MEGF11: variants seen among roughly 807,000 people sequenced by gnomAD.
MEGF11 encodes multiple epidermal growth factor-like domains protein 11.
A neutral mutation model predicts 146.6 loss-of-function variants in MEGF11; 126 were observed. That is an observed-to-expected ratio of 0.86 (90% CI 0.74 to 1.00). MEGF11 has a LOEUF of 1.00. Among genes scored for constraint, MEGF11 ranks in the 50% least tolerant of loss-of-function variants. The pLI is 0.00. For synonymous variants in MEGF11, 532 were observed against 583.4 expected (o/e 0.91, Z 1.27); for missense variants, 1,509 against 1,521.2 (o/e 0.99, Z 0.13).
At chr15:65,988,921 TCTCCCAGCTACCAAAGAACCCC>T (rs1290978221) in intron 5 of MEGF11, among the ~76,000 whole-genome samples, 1 of 152,154 alleles carries the variant, frequency 6.6e-6, no homozygotes, top group Non-Finnish European at 1.5e-5. Flanking sequence ...GGCCAGCCCT[TCTCCCAGCTACCAAAGAACCCC>T]CTCCCAGCTG....
intron 5 of MEGF11, among the ~76,000 whole-genome samples, chr15:66,056,316 C>CT (rs2084672805): frequency 6.6e-6 from 1 of 152,124 alleles, no homozygotes; most frequent in Admixed American, 6.5e-5. Flanking sequence ...AGGACTTAAC[C>CT]TTCTGAGCCT....
chr15:65,930,873 T>C lies in MEGF11; in HGVS notation c.1358A>G (p.Asn453Ser). The change falls in exon 11 of 26, where the codon AAC becomes AGC. Residue 453 changes from asparagine (N) to serine (S), a missense_variant. Asn to Ser is a conservative substitution (Grantham distance 46). Transcript: ENST00000395614. ...TACTGGGGAGCAGGTGCCACCATTG[T>C]TACAGCTACAGATGGACGAGCAGTT... ...GPNCSSICSC[N>S]NGGTCSPVDG... The C allele has an allele frequency of 6.2e-7, 1 of 1,611,576 alleles. No homozygotes were observed. The highest frequency in any genetic ancestry group is 8.5e-7 in the Non-Finnish European group (1 of 1,178,776).
intron 1 of MEGF11, among the ~76,000 whole-genome samples, chr15:66,199,738 A>G (rs574745309): frequency 6.6e-6 from 1 of 152,308 alleles, no homozygotes; most frequent in African/African-American, 2.4e-5. Flanking sequence ...GCAGTGAGCC[A>G]TGATTGCACC....
chr15:65,919,549 T>C (rs916077044), intron 15 of MEGF11, among the ~76,000 whole-genome samples: 2 of 133,716 alleles, frequency 1.5e-5, no homozygotes, highest in African/African-American at 2.5e-5. Flanking sequence ...AAAAAAAAAA[T>C]GCTGACACAG....
chr15:66,175,289 A>C (rs183031367), intron 1 of MEGF11, among the ~76,000 whole-genome samples: 147 of 152,336 alleles, frequency 9.6e-4, no homozygotes, highest in African/African-American at 3.4e-3. Flanking sequence ...TCAAAATACC[A>C]ATGACAGTCT....
At chr15:66,247,021 T>C (rs538939563) in intron 1 of MEGF11, among the ~76,000 whole-genome samples, 4 of 152,174 alleles carry the variant, frequency 2.6e-5, no homozygotes, top group Non-Finnish European at 5.9e-5. Flanking sequence ...ATTTTTATCT[T>C]GGCCAAATGG....
intron 1 of MEGF11, among the ~76,000 whole-genome samples, chr15:66,152,812 T>C (rs372757303): frequency 6.6e-6 from 1 of 152,204 alleles, no homozygotes; most frequent in African/African-American, 2.4e-5. Context: ...GCCTGCCCAA[T>C]TGGCAGTGGT....
intron 10 of MEGF11, among the ~76,000 whole-genome samples, chr15:65,943,666 G>A (rs1457216819): frequency 6.6e-6 from 1 of 152,178 alleles, no homozygotes; most frequent in Non-Finnish European, 1.5e-5. Flanking sequence ...CATGTAGTAT[G>A]TGAGTTTGGT....
chr15:66,009,337 T>C (rs937491906), intron 5 of MEGF11, among the ~76,000 whole-genome samples: 3 of 148,834 alleles, frequency 2.0e-5, no homozygotes, highest in Admixed American at 1.4e-4. Flanking sequence ...TTGGGAGTCA[T>C]GGGGGTGGGG....
chr15:65,935,322 G>GAAAAAAAAAAAAAA lies in MEGF11; in HGVS notation c.1288-4393_1288-4380dup, dbSNP rs71139449. Among the ~76,000 whole-genome samples the GAAAAAAAAAAAAAA allele has an allele frequency of 1.1e-4, 4 of 35,204 alleles. 1 individual carries two copies. Among genetic ancestry groups the GAAAAAAAAAAAAAA allele is most frequent in the Non-Finnish European group, 9.5e-5 (2 of 21,000 alleles). The allele number at this position is 35,204 out of a possible 152,430, so 23.1% of individuals were successfully genotyped here. ...GTGACAGAGCGAGACTCCGTCTCAA[G>GAAAAAAAAAAAAAA]AAAAAAAAAAAAAAAAAAAAAAAAA... is the stretch of plus-strand genomic sequence containing the variant. On this transcript the variant is annotated intron_variant, in intron 10 of 25. Transcript: ENST00000395614.
intron 24 of MEGF11, among the ~76,000 whole-genome samples, chr15:65,904,768 A>T (rs1028639929): frequency 6.6e-6 from 1 of 152,146 alleles, no homozygotes; most frequent in African/African-American, 2.4e-5. Context: ...CCCACTCTAG[A>T]TTTGCATCAG....
At chr15:65,993,595 G>A (rs749923063) in intron 5 of MEGF11, among the ~76,000 whole-genome samples, 4 of 152,178 alleles carry the variant, frequency 2.6e-5, no homozygotes, top group African/African-American at 9.6e-5. Flanking sequence ...CCTCCCCGAC[G>A]TGGCCCCCTC....
chr15:66,197,869 C>G (rs758856280), intron 1 of MEGF11, among the ~76,000 whole-genome samples: 2 of 152,196 alleles, frequency 1.3e-5, no homozygotes, highest in African/African-American at 2.4e-5. Flanking sequence ...AGCCACCCCC[C>G]GCCTTAACAA....
chr15:65,929,712 G>GC lies in MEGF11; in HGVS notation c.1572+7dup. 2 of 1,549,334 alleles carry GC rather than the reference G, an allele frequency of 1.3e-6. No homozygotes were observed. The highest frequency in any genetic ancestry group is 8.7e-7 in the Non-Finnish European group (1 of 1,145,584). ...GCCCAACCTGTCCCTCCCCACCCTG[G>GC]CACTCACCGGGCAAGGCAGCTCACA... On this transcript the variant is annotated splice_region_variant and intron_variant, in intron 12 of 25. Coordinates refer to ENST00000395614, the MANE Select transcript of MEGF11 (RefSeq NM_001385028.1).
intron 4 of MEGF11, among the ~76,000 whole-genome samples, chr15:66,116,818 G>A (rs1003728401): frequency 5.9e-5 from 9 of 152,166 alleles, no homozygotes; most frequent in Non-Finnish European, 1.2e-4. Context: ...CTCTGTGCCT[G>A]GTGAGTGCAG....
chr15:65,972,341 G>A (rs1304855856), intron 7 of MEGF11, among the ~76,000 whole-genome samples: 1 of 152,108 alleles, frequency 6.6e-6, no homozygotes, highest in East Asian at 1.9e-4. Flanking sequence ...TATAAAACAA[G>A]ACCCACATCA....
chr15:66,107,058 C>CCG (rs1461661108), intron 4 of MEGF11, among the ~76,000 whole-genome samples: 1 of 140,724 alleles, frequency 7.1e-6, no homozygotes, highest in South Asian at 2.2e-4. Flanking sequence ...ATTCCTACCC[C>CCG]CCCACCAGGT....
At chr15:66,127,990 C>G (rs2088454548) in intron 2 of MEGF11, among the ~76,000 whole-genome samples, 1 of 152,358 alleles carries the variant, frequency 6.6e-6, no homozygotes, top group South Asian at 2.1e-4. Context: ...CTTACTGCAC[C>G]CCATCTGGCT....
chr15:66,231,354 A>G (rs1263818705), intron 1 of MEGF11, among the ~76,000 whole-genome samples: 1 of 151,810 alleles, frequency 6.6e-6, no homozygotes, highest in East Asian at 1.9e-4. Flanking sequence ...TAATCTGCCC[A>G]GGGAGAGGGG....
Sources: allele counts gnomAD v4.1 joint callset (sites outside exome capture counted in the v4.1 genomes callset), GRCh38; gene constraint gnomAD v4.1.1; transcripts MANE v1.5; gene names NCBI Gene and HGNC (gene_info 2026-07-23, HGNC 2026-07-21).